The following ENOX1 variants were observed in gnomAD, a reference collection of about 807,000 sequenced individuals.
The protein encoded by ENOX1 is ecto-NOX disulfide-thiol exchanger 1, also known as candidate growth-related and time keeping constitutive hydroquinone (NADH) oxidase.
ENOX1 carries 42 observed loss-of-function variants against 82.5 expected under a neutral mutation model. The ratio of observed to expected loss-of-function variants is 0.51; its 90% confidence interval spans 0.40 to 0.66. ENOX1 has a LOEUF of 0.66. ENOX1 is among the 30% of genes least tolerant of loss of function. The pLI is 0.00. For missense variants in ENOX1, 608 were observed against 811.6 expected (o/e 0.75, Z 3.05); for synonymous variants, 271 against 282.2 (o/e 0.96, Z 0.40).
intron 1 of ENOX1, among the ~76,000 whole-genome samples, chr13:43,716,617 C>G (rs2088154957): frequency 1.3e-5 from 2 of 152,104 alleles, no homozygotes; most frequent in Non-Finnish European, 2.9e-5. Context: ...CAATATAATT[C>G]TACACATAGA....
rs9594997 is a variant in ENOX1 at position 43,675,414 on chromosome 13, T to C, written c.-284-7870A>G. Among the ~76,000 whole-genome samples, 703 of 152,290 alleles carry C rather than the reference T, an allele frequency of 4.6e-3. 7 individuals carry two copies. Among genetic ancestry groups the C allele is most frequent in the African/African-American group, 0.015 (640 of 41,564 alleles). ...CCATGGTACAGATCTCTGGAAGCAG[T>C]GGGAATGTTCAGTCCTCCAAGGGAA... On this transcript the variant is annotated intron_variant, in intron 1 of 16. Coordinates refer to ENST00000690772, the MANE Select transcript of ENOX1 (RefSeq NM_001347969.2).
chr13:43,429,982 T>C (rs2055561921), intron 3 of ENOX1, among the ~76,000 whole-genome samples: 1 of 152,240 alleles, frequency 6.6e-6, no homozygotes, highest in South Asian at 2.1e-4. Context: ...TGTTCTTATT[T>C]TATGCTTTCC....
intron 2 of ENOX1, chr13:43,546,477 C>A (rs2078978070): frequency 1.3e-5 from 2 of 152,242 alleles, no homozygotes. Context: ...CCACAGGAGC[C>A]TGGGGATGGT....
In ENOX1 at chr13:43,786,127, G is replaced by T. The variant is rs1210155520; in HGVS notation, c.-285+525C>A. Among the ~76,000 whole-genome samples the T allele has an allele frequency of 2.6e-5, 4 of 152,236 alleles. No homozygotes were observed. ...CAGTACCCAGCGCAGACTAGGCGGGGAGGAAAGTTTCCGGCCCGCAGCAGA... is the reference window on the plus strand; with the variant it reads ...CAGTACCCAGCGCAGACTAGGCGGGTAGGAAAGTTTCCGGCCCGCAGCAGA... On this transcript the variant is annotated intron_variant, in intron 1 of 16. Transcript: ENST00000690772. This position sits in a 1 kb window ranked among gnomAD's most constrained non-coding sequence, Gnocchi z 6.0.
chr13:43,310,127 C>T (rs1482270970), intron 11 of ENOX1, among the ~76,000 whole-genome samples: 4 of 10,762 alleles, frequency 3.7e-4, no homozygotes, highest in East Asian at 0.01. Context: ...CGCTTGAACC[C>T]GGGAGAGGTT....
chr13:43,311,190 G>A (rs1240060799), intron 11 of ENOX1, among the ~76,000 whole-genome samples: 1 of 151,910 alleles, frequency 6.6e-6, no homozygotes, highest in Non-Finnish European at 1.5e-5. Flanking sequence ...AAAGAGTCGA[G>A]TGGACGTGGA....
At chr13:43,706,221 T>C (rs1024783693) in intron 1 of ENOX1, among the ~76,000 whole-genome samples, 17 of 152,020 alleles carry the variant, frequency 1.1e-4, no homozygotes, top group African/African-American at 4.1e-4. Flanking sequence ...TGATCTATGC[T>C]ACCAAGTTAA....
chr13:43,272,182 A>G (rs1250858498), intron 12 of ENOX1, among the ~76,000 whole-genome samples: 1 of 152,110 alleles, frequency 6.6e-6, no homozygotes, highest in African/African-American at 2.4e-5. Context: ...TTACTATTTT[A>G]TGTATCTAAT....
chr13:43,318,809 A>G (rs924058835), intron 11 of ENOX1, among the ~76,000 whole-genome samples: 2 of 152,262 alleles, frequency 1.3e-5, no homozygotes, highest in African/African-American at 2.4e-5. Flanking sequence ...CACTGTAAGT[A>G]AAGTCAGAAG....
chr13:43,446,304 CCAGA>C (rs1198606996), intron 3 of ENOX1, among the ~76,000 whole-genome samples: 2 of 152,054 alleles, frequency 1.3e-5, no homozygotes, highest in East Asian at 3.9e-4. Flanking sequence ...CTACAGCATG[CCAGA>C]CACTGTCTTA....
At chr13:43,765,433 C>A (rs1951208651) in intron 1 of ENOX1, among the ~76,000 whole-genome samples, 1 of 152,098 alleles carries the variant, frequency 6.6e-6, no homozygotes, top group African/African-American at 2.4e-5. Context: ...CCCCTTGGAG[C>A]CTAGCTTAGT....
At chr13:43,607,125 T>C (rs537093097) in intron 2 of ENOX1, among the ~76,000 whole-genome samples, 1 of 152,306 alleles carries the variant, frequency 6.6e-6, no homozygotes, top group East Asian at 1.9e-4. Context: ...AACAAAGAAA[T>C]GATAAATGCT....
Position 43,360,056 on chromosome 13 carries a change from A to G in ENOX1, c.384T>C (p.Asn128=). 1 of 1,613,884 alleles carries G rather than the reference A, an allele frequency of 6.2e-7. No homozygotes were observed. The highest frequency in any genetic ancestry group is 8.5e-7 in the Non-Finnish European group (1 of 1,179,768). ...KSCTLFPQNP[N]LPPPSTRERP... ...GTTCTCTTGTGGAAGGAGGTGGAAG[A>G]TCTAATAATCACAACAAAACAGAAA... Residue 128 remains asparagine, a splice_region_variant and synonymous_variant, in exon 7 of 17, where the codon AAT becomes AAC. Coordinates refer to ENST00000690772, the MANE Select transcript of ENOX1 (RefSeq NM_001347969.2).
intron 5 of ENOX1, among the ~76,000 whole-genome samples, chr13:43,404,313 C>T (rs2053662930): frequency 6.6e-6 from 1 of 152,202 alleles, no homozygotes; most frequent in African/African-American, 2.4e-5. Flanking sequence ...CAATCCCACT[C>T]CATCCCAACC....
chr13:43,322,245 A>G, intron 11 of ENOX1, 139 bp downstream of exon 11: 1 of 607,494 alleles, frequency 1.6e-6, no homozygotes, highest in Non-Finnish European at 2.9e-6. Flanking sequence ...TTCTATTAAT[A>G]AAAAGCAGAG....
chr13:43,243,881 C>A (rs1178024516), intron 14 of ENOX1, among the ~76,000 whole-genome samples: 1 of 152,040 alleles, frequency 6.6e-6, no homozygotes, highest in Non-Finnish European at 1.5e-5. Flanking sequence ...TGCCTTGCCA[C>A]TTCCTACTTA....
At chr13:43,581,173 C>T (rs2080715809) in intron 2 of ENOX1, among the ~76,000 whole-genome samples, 1 of 120,982 alleles carries the variant, frequency 8.3e-6, no homozygotes, top group Non-Finnish European at 1.6e-5. Context: ...CACTCTGTCG[C>T]CCAGGCTGGA....
intron 11 of ENOX1, among the ~76,000 whole-genome samples, chr13:43,305,125 A>G (rs747595887): frequency 1.3e-4 from 20 of 152,140 alleles, no homozygotes; most frequent in Non-Finnish European, 2.6e-4. Flanking sequence ...TGCTGTTGCC[A>G]TCAGTGCCTC....
intron 11 of ENOX1, among the ~76,000 whole-genome samples, chr13:43,305,340 T>C (rs1392190769): frequency 6.6e-6 from 1 of 152,190 alleles, no homozygotes; most frequent in Non-Finnish European, 1.5e-5. Context: ...TTATTACAAC[T>C]TAGCATTGAC....
Sources: allele counts gnomAD v4.1 joint callset (sites outside exome capture counted in the v4.1 genomes callset), GRCh38; gene constraint gnomAD v4.1.1; non-coding constraint Gnocchi (gnomAD v3.1); transcripts MANE v1.5; gene names NCBI Gene and HGNC (gene_info 2026-07-23, HGNC 2026-07-21).